Variants in PPARGC1A observed in about 807,000 individuals in gnomAD.
PPARGC1A encodes PPARG coactivator 1 alpha, also known as peroxisome proliferator-activated receptor gamma coactivator 1-alpha.
PPARGC1A carries 25 observed loss-of-function variants against 88.7 expected under a neutral mutation model. That is an observed-to-expected ratio of 0.28 (90% confidence interval 0.21 to 0.39). The LOEUF (loss-of-function observed/expected upper bound fraction) is 0.39. Ranked by LOEUF, PPARGC1A falls within the 10% of genes least tolerant of loss-of-function variation. PPARGC1A has a pLI of 1.00. For synonymous variants in PPARGC1A, 363 were observed against 355.6 expected (o/e 1.02, Z -0.24); for missense variants, 880 against 968.7 (o/e 0.91, Z 1.22).
the PPARGC1A span, among the ~76,000 whole-genome samples, chr4:24,193,708 G>A: frequency 2.0e-5 from 3 of 152,140 alleles, no homozygotes; most frequent in African/African-American, 7.2e-5. Flanking sequence ...GAAGCCCTGG[G>A]CATTTTGATT....
At chr4:23,970,419 A>G in the PPARGC1A span, among the ~76,000 whole-genome samples, 1 of 152,190 alleles carries the variant, frequency 6.6e-6, no homozygotes. Context: ...CTATTTTGCA[A>G]CTTAGCAAAA....
At chr4:24,238,005 G>A in the PPARGC1A span, among the ~76,000 whole-genome samples, 10 of 152,252 alleles carry the variant, frequency 6.6e-5, no homozygotes, top group South Asian at 4.1e-4. Flanking sequence ...TAGCTTCCAC[G>A]TGGATGAGGA....
chr4:24,222,968 A>C, the PPARGC1A span, among the ~76,000 whole-genome samples: 1 of 152,190 alleles, frequency 6.6e-6, no homozygotes, highest in South Asian at 2.1e-4. Flanking sequence ...AAAACTAAGC[A>C]AAAAATTATA....
chr4:23,929,758 G>A, the PPARGC1A span, among the ~76,000 whole-genome samples: 1 of 152,192 alleles, frequency 6.6e-6, no homozygotes, highest in East Asian at 1.9e-4. Context: ...TTCAAACTTT[G>A]CTGCCTTCTG....
At chr4:24,249,901 A>T in the PPARGC1A span, among the ~76,000 whole-genome samples, 6 of 152,220 alleles carry the variant, frequency 3.9e-5, no homozygotes, top group Non-Finnish European at 7.3e-5. Context: ...TGCTCAATAC[A>T]TATTCCTTAA....
the PPARGC1A span, among the ~76,000 whole-genome samples, chr4:24,156,222 G>T: frequency 6.6e-6 from 1 of 152,098 alleles, no homozygotes; most frequent in Admixed American, 6.6e-5. Context: ...TATAACACAG[G>T]CTTCAAACAG....
the PPARGC1A span, among the ~76,000 whole-genome samples, chr4:24,316,215 C>A: frequency 3.9e-5 from 6 of 152,192 alleles, no homozygotes; most frequent in Non-Finnish European, 4.4e-5. Context: ...TTGTCAAGAC[C>A]ATATGTGTCT....
At chr4:24,003,815 G>C in the PPARGC1A span, among the ~76,000 whole-genome samples, 1 of 81,840 alleles carries the variant, frequency 1.2e-5, no homozygotes, top group Non-Finnish European at 2.3e-5. Flanking sequence ...GATAGGATCA[G>C]ATTGATTTTT....
At chr4:24,316,700 T>C in the PPARGC1A span, among the ~76,000 whole-genome samples, 1 of 152,238 alleles carries the variant, frequency 6.6e-6, no homozygotes, top group Admixed American at 6.5e-5. Flanking sequence ...CGTCATCAGC[T>C]GCAGAATGGG....
chr4:23,977,570 G>C, the PPARGC1A span, among the ~76,000 whole-genome samples: 16 of 152,108 alleles, frequency 1.1e-4, no homozygotes, highest in African/African-American at 3.1e-4. Context: ...AATAACTAAT[G>C]TATGTGGGGC....
the PPARGC1A span, among the ~76,000 whole-genome samples, chr4:24,417,527 C>T: frequency 2.0e-5 from 3 of 152,166 alleles, no homozygotes; most frequent in African/African-American, 7.2e-5. Context: ...CCCTATAAAA[C>T]AATGGGTCAA....
the PPARGC1A span, among the ~76,000 whole-genome samples, chr4:24,182,750 A>T: frequency 6.6e-6 from 1 of 152,196 alleles, no homozygotes; most frequent in South Asian, 2.1e-4. Flanking sequence ...AATGCTTGGT[A>T]CCCCACTTTA....
chr4:24,342,320 A>AGT, the PPARGC1A span, among the ~76,000 whole-genome samples: 2 of 151,998 alleles, frequency 1.3e-5, no homozygotes, highest in Admixed American at 6.6e-5. Context: ...TGTGTGGGTG[A>AGT]GTGTGTGTGT....
chr4:24,305,447 G>A, the PPARGC1A span, among the ~76,000 whole-genome samples: 100,795 of 151,858 alleles, frequency 0.66, 33,796 homozygotes, highest in African/African-American at 0.74. Flanking sequence ...TAACATCTAC[G>A]TTGCAAAGTG....
chr4:24,306,568 T>A, the PPARGC1A span, among the ~76,000 whole-genome samples: 1 of 152,242 alleles, frequency 6.6e-6, no homozygotes. Context: ...CACCAGAGGA[T>A]GGCAAACTTG....
chr4:24,062,984 T>C, the PPARGC1A span, among the ~76,000 whole-genome samples: 1 of 152,228 alleles, frequency 6.6e-6, no homozygotes, highest in African/African-American at 2.4e-5. Flanking sequence ...ATTCCTAACC[T>C]GTAAACGATG....
intron 2 of PPARGC1A, among the ~76,000 whole-genome samples, chr4:23,858,383 G>C (rs1424329525): frequency 6.6e-6 from 1 of 152,120 alleles, no homozygotes; most frequent in Non-Finnish European, 1.5e-5. Context: ...TAACCCTGAG[G>C]CAGGCACTAT....
the PPARGC1A span, among the ~76,000 whole-genome samples, chr4:24,366,572 G>C: frequency 6.6e-6 from 1 of 152,020 alleles, no homozygotes; most frequent in Non-Finnish European, 1.5e-5. Context: ...AGAGAATTGG[G>C]TGACACAAAC....
chr4:24,340,833 G>C, the PPARGC1A span, among the ~76,000 whole-genome samples: 1 of 151,828 alleles, frequency 6.6e-6, no homozygotes, highest in Non-Finnish European at 1.5e-5. Context: ...ATTTAAACCC[G>C]CTGACCACCG....
Sources: allele counts gnomAD v4.1 joint callset (sites outside exome capture counted in the v4.1 genomes callset), GRCh38; gene constraint gnomAD v4.1.1; transcripts MANE v1.5; gene names NCBI Gene and HGNC (gene_info 2026-07-23, HGNC 2026-07-21).